Variants in KIF16B observed in about 807,000 individuals in gnomAD.
KIF16B encodes kinesin family member 16B.
Under a neutral mutation model 156.3 loss-of-function variants are expected in KIF16B, and 98 were observed. The ratio of observed to expected loss-of-function variants is 0.63; its 90% CI spans 0.53 to 0.74. The LOEUF is 0.74. Ranked by LOEUF, KIF16B falls within the 30% of genes least tolerant of loss-of-function variation. KIF16B has a pLI of 0.00. For missense variants in KIF16B, 1,421 were observed against 1,606.5 expected, an observed-to-expected ratio of 0.88 and a Z score of 1.97; for synonymous variants, 564 against 583.7, an observed-to-expected ratio of 0.97 and a Z score of 0.49.
intron 12 of KIF16B, among the ~76,000 whole-genome samples, chr20:16,463,800 T>A (rs1346831160): frequency 6.6e-6 from 1 of 152,176 alleles, no homozygotes; most frequent in East Asian, 1.9e-4. Flanking sequence ...AATTCTTGGC[T>A]CTCAACAAAA....
intron 3 of KIF16B, among the ~76,000 whole-genome samples, chr20:16,517,118 A>C (rs1160266697): frequency 3.9e-5 from 6 of 152,214 alleles, no homozygotes; most frequent in Non-Finnish European, 8.8e-5. Flanking sequence ...ATCCCTGCTG[A>C]TAACACAGCC....
At chr20:16,368,201 G>GCT (rs2064724890) in intron 22 of KIF16B, 1 of 1,046,736 alleles carries the variant, frequency 9.6e-7, no homozygotes, top group Non-Finnish European at 1.2e-6. Flanking sequence ...ACAAGGCTCT[G>GCT]CTTAAATGCA....
At chr20:16,561,576 G>T (rs899820025) in intron 1 of KIF16B, among the ~76,000 whole-genome samples, 7 of 151,898 alleles carry the variant, frequency 4.6e-5, no homozygotes, top group African/African-American at 1.7e-4. Context: ...AAAATTTTAA[G>T]TATCTCCCCC....
chr20:16,366,772 G>T, intron 22 of KIF16B: 1 of 974,072 alleles, frequency 1.0e-6, no homozygotes, highest in South Asian at 4.2e-5. Flanking sequence ...AGGCAGCACA[G>T]ATTAGCCTGC....
chr20:16,481,361 A>T (rs932915672), intron 12 of KIF16B, among the ~76,000 whole-genome samples: 1 of 151,742 alleles, frequency 6.6e-6, no homozygotes, highest in African/African-American at 2.4e-5. Context: ...TGTCTGGTTA[A>T]TTTTTTTTCT....
intron 25 of KIF16B, among the ~76,000 whole-genome samples, chr20:16,311,260 G>A (rs1011393707): frequency 6.6e-6 from 1 of 152,200 alleles, no homozygotes; most frequent in Non-Finnish European, 1.5e-5. Flanking sequence ...AGATGGAGGC[G>A]GGAGGATGGC....
chr20:16,428,970 G>A lies in KIF16B; in HGVS notation c.1457C>T (p.Ser486Phe). 1 of 1,613,376 alleles carries A rather than the reference G, an allele frequency of 6.2e-7. No individual in the cohort carries two copies. The highest frequency in any genetic ancestry group is 8.5e-7 in the Non-Finnish European group (1 of 1,179,488). The change falls in exon 14 of 26, where the codon TCC becomes TTC. Residue 486 changes from serine (S) to phenylalanine (F), a missense_variant. Physicochemically the swap from Ser to Phe is radical, Grantham distance 155. Transcript: ENST00000354981. Reference protein sequence around the residue: ...GQTYVGRDDASTEQDIVLHGL... With the variant: ...GQTYVGRDDAFTEQDIVLHGL... ...ATGCTCACCAATATCTTGCTCCGTG[G>A]AAGCATCGTCTCTACCAACGTATGT...
intron 10 of KIF16B, among the ~76,000 whole-genome samples, chr20:16,503,721 T>A (rs2068689441): frequency 6.6e-6 from 1 of 152,182 alleles, no homozygotes; most frequent in South Asian, 2.1e-4. Flanking sequence ...ACCAGAACTT[T>A]ACTTCCACCA....
chr20:16,573,261 C>G lies in KIF16B; in HGVS notation c.15G>C (p.Lys5Asn). The G allele has an allele frequency of 6.2e-7, 1 of 1,608,782 alleles. No homozygotes were observed. Among genetic ancestry groups the G allele is most frequent in the Non-Finnish European group, 8.5e-7 (1 of 1,178,602 alleles). The change falls in exon 1 of 26, where the codon AAG becomes AAC. Residue 5 changes from lysine to asparagine, a missense_variant. Transcript: ENST00000354981. MASVKVAVRVRPMNR... is the reference protein window; with the variant it reads MASVNVAVRVRPMNR... Reference sequence around the variant, plus strand: ...TCATGGGCCGGACCCTCACGGCCACCTTGACCGATGCCATCGCTCATCCCG... The same window carrying G: ...TCATGGGCCGGACCCTCACGGCCACGTTGACCGATGCCATCGCTCATCCCG...
intron 19 of KIF16B, 97 bp from the exon 20 acceptor site, chr20:16,374,506 A>G: frequency 4.3e-6 from 5 of 1,157,146 alleles, no homozygotes; most frequent in African/African-American, 1.6e-5. Flanking sequence ...GGGGAACAAG[A>G]TCTGTCCTCT....
chr20:16,500,846 T>G (rs1304002378), intron 10 of KIF16B, among the ~76,000 whole-genome samples: 4 of 152,072 alleles, frequency 2.6e-5, no homozygotes, highest in Non-Finnish European at 5.9e-5. Flanking sequence ...GCTACAAGAG[T>G]GAGTAATTCA....
At chr20:16,318,111 C>T (rs1260032582) in intron 24 of KIF16B, among the ~76,000 whole-genome samples, 2 of 151,704 alleles carry the variant, frequency 1.3e-5, no homozygotes, top group Non-Finnish European at 2.9e-5. Context: ...AGCTTCTGCC[C>T]CTCCTTGCTC....
chr20:16,465,000 T>TTTAACA (rs2067447296), intron 12 of KIF16B, among the ~76,000 whole-genome samples: 2 of 152,188 alleles, frequency 1.3e-5, no homozygotes, highest in Non-Finnish European at 2.9e-5. Flanking sequence ...ATTCTTAGAA[T>TTTAACA]GACCTTTGAT....
intron 12 of KIF16B, among the ~76,000 whole-genome samples, chr20:16,449,946 T>C (rs946832095): frequency 1.3e-5 from 2 of 151,968 alleles, no homozygotes; most frequent in Admixed American, 6.6e-5. Context: ...ACAGCAGAAA[T>C]ACTAGAAGAA....
intron 6 of KIF16B, among the ~76,000 whole-genome samples, chr20:16,508,465 G>A (rs1329047563): frequency 6.6e-6 from 1 of 152,182 alleles, no homozygotes; most frequent in African/African-American, 2.4e-5. Context: ...GGGGTAGGGG[G>A]AACAGATTCG....
chr20:16,362,434 C>T (rs1448920705), intron 22 of KIF16B, among the ~76,000 whole-genome samples: 2 of 152,304 alleles, frequency 1.3e-5, no homozygotes, highest in Non-Finnish European at 2.9e-5. Context: ...GTAAGGCAAT[C>T]CTTGAAAACA....
At chr20:16,470,351 G>A (rs1213088185) in intron 12 of KIF16B, among the ~76,000 whole-genome samples, 2 of 152,170 alleles carry the variant, frequency 1.3e-5, no homozygotes, top group Non-Finnish European at 2.9e-5. Flanking sequence ...TGACAATGAT[G>A]TGTCAGTGTG....
intron 3 of KIF16B, among the ~76,000 whole-genome samples, chr20:16,517,958 T>A (rs1273743366): frequency 6.6e-6 from 1 of 152,126 alleles, no homozygotes; most frequent in African/African-American, 2.4e-5. Context: ...GTTTTCAGAA[T>A]AAAATTATTC....
At chr20:16,280,524 A>G (rs2063128965) in intron 25 of KIF16B, among the ~76,000 whole-genome samples, 1 of 152,218 alleles carries the variant, frequency 6.6e-6, no homozygotes, top group Non-Finnish European at 1.5e-5. Flanking sequence ...ACTTCGTACA[A>G]AGTTTCCGGT....
Sources: allele counts gnomAD v4.1 joint callset (sites outside exome capture counted in the v4.1 genomes callset), GRCh38; gene constraint gnomAD v4.1.1; transcripts MANE v1.5; gene names NCBI Gene and HGNC (gene_info 2026-07-23, HGNC 2026-07-21).